The following AJAP1 variants were observed in gnomAD, a reference collection of about 807,000 sequenced individuals.
The protein encoded by AJAP1 is adherens junctions associated protein 1, also known as adherens junction-associated protein 1.
A neutral mutation model predicts 35.0 loss-of-function variants in AJAP1; 5 were observed. That is an observed-to-expected ratio of 0.14 (90% CI 0.07 to 0.30). The LOEUF (loss-of-function observed/expected upper bound fraction) is 0.30. Among genes scored for constraint, AJAP1 ranks in the 10% least tolerant of loss-of-function variants. The pLI is 1.00. For missense variants in AJAP1, 586 were observed against 571.0 expected (o/e 1.03, Z -0.27); for synonymous variants, 284 against 249.3 (o/e 1.14, Z -1.31).
chr1:4,668,337 C>CAT (rs1411970942), intron 1 of AJAP1, among the ~76,000 whole-genome samples: 11 of 80,790 alleles, frequency 1.4e-4, no homozygotes, highest in South Asian at 3.4e-4. Flanking sequence ...TGTGTGTGTG[C>CAT]GTGTGCGTGT....
intron 1 of AJAP1, among the ~76,000 whole-genome samples, chr1:4,661,999 T>C (rs1304747356): frequency 2.0e-5 from 3 of 152,100 alleles, no homozygotes; most frequent in South Asian, 2.1e-4. Flanking sequence ...ATTGAGAAAG[T>C]TGGGTTTAGC....
intron 1 of AJAP1, among the ~76,000 whole-genome samples, chr1:4,710,510 C>T (rs1640207694): frequency 1.3e-5 from 2 of 152,206 alleles, no homozygotes; most frequent in South Asian, 2.1e-4. Flanking sequence ...CACACACTTG[C>T]GTGCACGCAT....
rs2100387335 is a variant in AJAP1 at position 4,790,229 on chromosome 1, C to T, written c.*7744C>T. On this transcript the variant is annotated 3_prime_UTR_variant, in exon 6 of 6. Transcript: ENST00000378191. ...TCCCAGGGGAACCCTCTCCTGTTGC[C>T]TCCGCAGTCTATTCTGGGGTGGAAA... is the stretch of plus-strand genomic sequence containing the variant. 6.6e-6 allele frequency: 1 copy of T among 152,380 alleles called. No individual in the cohort carries two copies. The highest frequency in any genetic ancestry group is 2.1e-4 in the South Asian group (1 of 4,828). 9.4% of individuals were successfully genotyped at this position (152,380 alleles called of 1,614,324 possible).
At chr1:4,778,942 C>T (rs1014399641) in intron 5 of AJAP1, among the ~76,000 whole-genome samples, 1 of 152,202 alleles carries the variant, frequency 6.6e-6, no homozygotes, top group Non-Finnish European at 1.5e-5. Context: ...AGAACTGGAA[C>T]CTGCATGAAC....
intron 1 of AJAP1, among the ~76,000 whole-genome samples, chr1:4,680,327 C>T (rs1225631513): frequency 1.3e-5 from 2 of 152,340 alleles, no homozygotes; most frequent in East Asian, 3.9e-4. Flanking sequence ...TTAACCCTCT[C>T]ACCAGTCATT....
chr1:4,740,178 G>A (rs980470731), intron 2 of AJAP1, among the ~76,000 whole-genome samples: 3 of 151,782 alleles, frequency 2.0e-5, no homozygotes, highest in African/African-American at 7.3e-5. Context: ...ATATCCCTCA[G>A]CCTTAAAACC....
intron 1 of AJAP1, among the ~76,000 whole-genome samples, chr1:4,665,639 C>T (rs1338686605): frequency 1.3e-5 from 2 of 152,216 alleles, no homozygotes; most frequent in Non-Finnish European, 2.9e-5. Context: ...CGAGAGTCTG[C>T]TGGCCCCAGG....
At chr1:4,705,281 A>G (rs1413046279) in intron 1 of AJAP1, among the ~76,000 whole-genome samples, 2 of 151,604 alleles carry the variant, frequency 1.3e-5, no homozygotes, top group Non-Finnish European at 2.9e-5. Flanking sequence ...AACCGTAAAA[A>G]CCCTATAAGA....
chr1:4,661,422 G>C (rs1307129050), intron 1 of AJAP1, among the ~76,000 whole-genome samples: 1 of 152,182 alleles, frequency 6.6e-6, no homozygotes, highest in East Asian at 1.9e-4. Flanking sequence ...AGGTATTATT[G>C]CTCCCATTTC....
At chr1:4,712,776 T>C in intron 2 of AJAP1, 77 bp downstream of exon 2, 1 of 1,397,666 alleles carries the variant, frequency 7.2e-7, no homozygotes, top group Non-Finnish European at 9.6e-7. Flanking sequence ...GATGCTTAGA[T>C]GTCCCTGGGT....
At chr1:4,657,336 C>A (rs1009814815) in intron 1 of AJAP1, among the ~76,000 whole-genome samples, 3 of 152,036 alleles carry the variant, frequency 2.0e-5, no homozygotes, top group African/African-American at 7.2e-5. Flanking sequence ...AGGAGATTTT[C>A]TGTAAGTGTG....
At position 4,787,444 on chromosome 1, in the gene AJAP1, G is replaced by C; in HGVS notation, c.*4959G>C. The C allele has an allele frequency of 3.5e-6, 1 of 282,778 alleles. No homozygotes were observed. The highest frequency in any genetic ancestry group is 7.1e-6 in the Non-Finnish European group (1 of 141,750). 17.5% of individuals were successfully genotyped at this position (282,778 alleles called of 1,614,324 possible). On this transcript the variant is annotated 3_prime_UTR_variant, in exon 6 of 6. Coordinates refer to ENST00000378191, the MANE Select transcript of AJAP1 (RefSeq NM_018836.4). ...ACCTACTGGAAAATTACCACTTGCT[G>C]CTTGAGGGTTGGTCTGGTGTTGGAT...
At chr1:4,724,377 A>G (rs1371555480) in intron 2 of AJAP1, among the ~76,000 whole-genome samples, 1 of 152,100 alleles carries the variant, frequency 6.6e-6, no homozygotes, top group Admixed American at 6.5e-5. Flanking sequence ...TGAGCTGGAC[A>G]TCCTCATCTG....
At chr1:4,775,264 C>T (rs1002078605) in intron 5 of AJAP1, among the ~76,000 whole-genome samples, 1 of 152,056 alleles carries the variant, frequency 6.6e-6, no homozygotes, top group South Asian at 2.1e-4. Flanking sequence ...GAGAGCATTG[C>T]GCCCTCATGG....
chr1:4,741,011 T>A (rs547992265), intron 2 of AJAP1, among the ~76,000 whole-genome samples: 1 of 152,038 alleles, frequency 6.6e-6, no homozygotes, highest in African/African-American at 2.4e-5. Context: ...TGTCCGACTC[T>A]GCAACTACAA....
rs1180260134 is a variant in AJAP1, at chr1:4,783,547, TTGTG to T, written c.*1068_*1071del. ...TATATATATATATATATATATATGT[TTGTG>T]TGTGTATATATATGTTTGTGTATAT... On this transcript the variant is annotated 3_prime_UTR_variant, in exon 6 of 6. Coordinates refer to ENST00000378191, the MANE Select transcript of AJAP1 (RefSeq NM_018836.4). 4 of 132,722 alleles carry T rather than the reference TTGTG, an allele frequency of 3.0e-5. No homozygotes were observed. The highest frequency in any genetic ancestry group is 3.2e-5 in the Non-Finnish European group (2 of 62,006). The allele number at this position is 132,722 out of a possible 1,614,324, so 8.2% of individuals were successfully genotyped here. A position where few individuals can be genotyped will look rare whatever the true frequency, so the allele number is the denominator to read the frequency against.
rs531343223 is a variant in AJAP1 at position 4,712,715 on chromosome 1, T to C, written c.829+16T>C. On this transcript the variant is annotated intron_variant, in intron 2 of 5. Transcript: ENST00000378191. ...GAGGCCTCAGGTACAGCCATCTCTCTTCTGGTTTGGGTTTGCTTGGGGTTG... is the reference window on the plus strand; with the variant it reads ...GAGGCCTCAGGTACAGCCATCTCTCCTCTGGTTTGGGTTTGCTTGGGGTTG... 5.3e-6 allele frequency: 8 copies of C among 1,502,496 alleles called. No homozygotes were observed. The highest frequency in any genetic ancestry group is 1.4e-5 in the South Asian group (1 of 72,852). 93.1% of individuals were successfully genotyped at this position (1,502,496 alleles called of 1,614,324 possible). A position where few individuals can be genotyped will look rare whatever the true frequency, so the allele number is the denominator to read the frequency against.
At chr1:4,742,337 C>T (rs940436205) in intron 2 of AJAP1, among the ~76,000 whole-genome samples, 1 of 152,200 alleles carries the variant, frequency 6.6e-6, no homozygotes, top group Non-Finnish European at 1.5e-5. Context: ...AATTCATAAC[C>T]TGATCTGTTC....
At chr1:4,740,917 G>C (rs1171853543) in intron 2 of AJAP1, among the ~76,000 whole-genome samples, 1 of 152,032 alleles carries the variant, frequency 6.6e-6, no homozygotes, top group Non-Finnish European at 1.5e-5. Flanking sequence ...GTGGGGTCCA[G>C]GTGTCTTGCG....
Sources: allele counts gnomAD v4.1 joint callset (sites outside exome capture counted in the v4.1 genomes callset), GRCh38; gene constraint gnomAD v4.1.1; transcripts MANE v1.5; gene names NCBI Gene and HGNC (gene_info 2026-07-23, HGNC 2026-07-21).